The following PTPN9 variants were observed in gnomAD, a reference collection of about 807,000 sequenced individuals.
PTPN9 encodes the protein tyrosine-protein phosphatase non-receptor type 9.
In PTPN9, 26 loss-of-function variants were observed where a neutral mutation model predicts 69.8. That is an observed-to-expected ratio of 0.37 (90% CI 0.27 to 0.52). The LOEUF (loss-of-function observed/expected upper bound fraction) is 0.52, where lower values mean the gene tolerates loss of function less well. PTPN9 is among the 20% of genes least tolerant of loss of function. The pLI is 0.91. For synonymous variants in PTPN9, 274 were observed against 272.5 expected (o/e 1.01, Z -0.05); for missense variants, 549 against 740.3 (o/e 0.74, Z 3.00).
intron 7 of PTPN9, among the ~76,000 whole-genome samples, chr15:75,498,853 G>A (rs979208248): frequency 5.3e-5 from 8 of 152,170 alleles, no homozygotes; most frequent in Admixed American, 5.2e-4. Flanking sequence ...TATGGTGACA[G>A]ATACACAAAC....
intron 4 of PTPN9, among the ~76,000 whole-genome samples, chr15:75,521,438 C>T (rs976023136): frequency 1.3e-5 from 2 of 151,386 alleles, no homozygotes; most frequent in African/African-American, 2.4e-5. Context: ...GGGGACAGAC[C>T]GAGACTCCGT....
Position 75,578,700 on chromosome 15 carries a change from T to C in PTPN9, c.63+14A>G, listed in dbSNP as rs1480291549. 5.1e-6 allele frequency: 7 copies of C among 1,368,378 alleles called. No homozygotes were observed. The highest frequency in any genetic ancestry group is 1.6e-5 in the South Asian group (1 of 61,656). 84.8% of individuals were successfully genotyped at this position (1,368,378 alleles called of 1,614,324 possible). ...CCCGGACACACCCAACGCGGCGGCC[T>C]CGGGCCCGCTTACCTGCTCCTCCTC... On this transcript the variant is annotated intron_variant, in intron 1 of 12. Transcript: ENST00000618819.
Position 75,470,744 on chromosome 15 carries a change from G to A in PTPN9, c.1295C>T (p.Thr432Ile). Reference sequence around the variant, plus strand: ...ATTCATGTTCTCCACGCCTAGATTGGTCACTGTGAGGAAGCCAAATCGGAT... The same window carrying A: ...ATTCATGTTCTCCACGCCTAGATTGATCACTGTGAGGAAGCCAAATCGGAT... ...SRIRFGFLTV[T>I]NLGVENMNHY... is the part of the protein sequence containing the mutation. The change falls in exon 11 of 13, where the codon ACC becomes ATC. Residue 432 changes from threonine to isoleucine, a missense_variant. Thr to Ile is a moderately conservative substitution (Grantham distance 89). Coordinates refer to ENST00000618819, the MANE Select transcript of PTPN9 (RefSeq NM_002833.4). The A allele has an allele frequency of 6.2e-7, 1 of 1,614,182 alleles. No homozygotes were observed. Among genetic ancestry groups the A allele is most frequent in the African/African-American group, 1.3e-5 (1 of 75,034 alleles).
Position 75,527,520 on chromosome 15 carries a change from G to C in PTPN9, c.64-259C>G, listed in dbSNP as rs148545076. 2.7e-3 allele frequency among the ~76,000 whole-genome samples: 408 copies of C among 152,152 alleles called. 2 individuals are homozygous for C. The highest frequency in any genetic ancestry group is 9.3e-3 in the African/African-American group (385 of 41,510). On this transcript the variant is annotated intron_variant, in intron 1 of 12. Coordinates refer to ENST00000618819, the MANE Select transcript of PTPN9 (RefSeq NM_002833.4). ...AGTGCAGGTATGCATGAAAAAATGA[G>C]GGGGGAGAAGAGGGATCCTAAATGA...
At chr15:75,537,442 C>CT (rs2074987664) in intron 1 of PTPN9, among the ~76,000 whole-genome samples, 7 of 49,754 alleles carry the variant, frequency 1.4e-4, no homozygotes, top group South Asian at 6.5e-4. Context: ...AATATCTTCC[C>CT]TAAAAAAAAA....
chr15:75,569,573 C>T (rs188897629), intron 1 of PTPN9, among the ~76,000 whole-genome samples: 35 of 148,640 alleles, frequency 2.4e-4, no homozygotes, highest in Non-Finnish European at 1.5e-4. Flanking sequence ...GGCGTGGTGG[C>T]GGGCACCTGT....
intron 7 of PTPN9, 90 bp from the exon 8 acceptor site, chr15:75,490,391 T>C (rs564076670): frequency 1.1e-5 from 10 of 874,590 alleles, no homozygotes; most frequent in Non-Finnish European, 1.9e-5. Flanking sequence ...GGGGTGTCAA[T>C]TACTCTTAGG....
chr15:75,515,381 C>T (rs574253422), intron 5 of PTPN9, among the ~76,000 whole-genome samples: 1 of 139,586 alleles, frequency 7.2e-6, no homozygotes, highest in African/African-American at 2.8e-5. Context: ...GAGCCGAGAT[C>T]GTGCCACTGC....
chr15:75,553,530 C>T (rs1353015282), intron 1 of PTPN9, among the ~76,000 whole-genome samples: 1 of 152,166 alleles, frequency 6.6e-6, no homozygotes, highest in East Asian at 1.9e-4. Flanking sequence ...ATTCCCTCCA[C>T]TCCATCCAAC....
intron 8 of PTPN9, among the ~76,000 whole-genome samples, chr15:75,485,236 C>A (rs1177161349): frequency 6.6e-6 from 1 of 151,852 alleles, no homozygotes; most frequent in Non-Finnish European, 1.5e-5. Context: ...TATACCCACT[C>A]GAGGACCAAG....
chr15:75,556,036 CAA>C (rs75583219), intron 1 of PTPN9, among the ~76,000 whole-genome samples: 40 of 43,270 alleles, frequency 9.2e-4, no homozygotes, highest in African/African-American at 3.1e-3. Context: ...ACCCCCGTCT[CAA>C]AAAAAAAAAA....
intron 1 of PTPN9, among the ~76,000 whole-genome samples, chr15:75,556,743 A>G (rs1453454354): frequency 1.3e-5 from 2 of 152,220 alleles, no homozygotes. Flanking sequence ...CTAAATATGC[A>G]ATTCAGTTGC....
Position 75,491,536 on chromosome 15 carries a change from C to G in PTPN9, c.969-1235G>C, listed in dbSNP as rs74941324. ...CAAATAACTAAAAATGTGGAAGCAG[C>G]TTTGGACCTGGGTAATGGACAGAGC... On this transcript the variant is annotated intron_variant, in intron 7 of 12. Transcript: ENST00000618819. Among the ~76,000 whole-genome samples the G allele has an allele frequency of 2.6e-3, 401 of 152,198 alleles. 3 individuals carry two copies. Among genetic ancestry groups the G allele is most frequent in the Non-Finnish European group, 4.3e-3 (292 of 68,018 alleles).
At chr15:75,571,623 G>A (rs1478189864) in intron 1 of PTPN9, among the ~76,000 whole-genome samples, 1 of 152,020 alleles carries the variant, frequency 6.6e-6, no homozygotes, top group Non-Finnish European at 1.5e-5. Flanking sequence ...AAATAAATTG[G>A]TGGTGGCTCA....
chr15:75,529,060 C>T (rs2141323236), intron 1 of PTPN9, among the ~76,000 whole-genome samples: 1 of 152,058 alleles, frequency 6.6e-6, no homozygotes, highest in South Asian at 2.1e-4. Flanking sequence ...GATCTTGGCT[C>T]ACTGCAACCT....
Position 75,472,460 on chromosome 15 carries a change from AAAAATAAAAT to A in PTPN9, c.1208+1219_1208+1228del, listed in dbSNP as rs369195573. ...CTGGGCGACAGTGAGACTCCGTCTC[AAAAATAAAAT>A]AAAATAAAATAAAATAAAATAAAAA... is the stretch of plus-strand genomic sequence containing the variant. On this transcript the variant is annotated intron_variant, in intron 10 of 12. Coordinates refer to ENST00000618819, the MANE Select transcript of PTPN9 (RefSeq NM_002833.4). 1.9e-3 allele frequency among the ~76,000 whole-genome samples: 281 copies of A among 149,706 alleles called. 2 individuals carry two copies. Among genetic ancestry groups the A allele is most frequent in the Middle Eastern group, 3.5e-3 (1 of 284 alleles).
At chr15:75,504,160 CGTCCGGG>C (rs2074797719) in intron 7 of PTPN9, among the ~76,000 whole-genome samples, 1 of 115,456 alleles carries the variant, frequency 8.7e-6, no homozygotes, top group African/African-American at 3.4e-5. Flanking sequence ...ACAGCCGCCC[CGTCCGGG>C]AGGGAGGTGG....
chr15:75,572,275 T>C (rs1480003498), intron 1 of PTPN9, among the ~76,000 whole-genome samples: 1 of 151,940 alleles, frequency 6.6e-6, no homozygotes, highest in Non-Finnish European at 1.5e-5. Context: ...AAGGTTGCAG[T>C]GAGCTGAGAT....
At chr15:75,513,500 A>G in intron 5 of PTPN9, 4 of 437,048 alleles carry the variant, frequency 9.2e-6, no homozygotes, top group South Asian at 3.3e-5. Context: ...GGCGTGGTGG[A>G]TCACACCTGT....
Sources: gnomAD v4.1 joint callset for allele counts (sites outside exome capture counted in the v4.1 genomes callset) on GRCh38, gnomAD v4.1.1 for gene constraint, MANE v1.5 for transcripts, NCBI Gene and HGNC (gene_info 2026-07-23, HGNC 2026-07-21) for gene names.